YAF2: variants seen among roughly 807,000 people sequenced by gnomAD.
YAF2 encodes YY1 associated factor 2, also known as YY1-associated factor 2.
Under a neutral mutation model 20.1 loss-of-function variants are expected in YAF2, and 7 were observed. That is an observed-to-expected ratio of 0.35 (90% CI 0.20 to 0.65). The LOEUF is 0.65. YAF2 is among the 30% of genes least tolerant of loss of function. YAF2 has a pLI of 0.69. For missense variants in YAF2, 151 were observed against 219.2 expected, an observed-to-expected ratio of 0.69 and a Z score of 1.96; for synonymous variants, 74 against 76.0, an observed-to-expected ratio of 0.97 and a Z score of 0.14.
At chr12:42,229,419 A>AT (rs1472821354) in intron 2 of YAF2, among the ~76,000 whole-genome samples, 18 of 47,576 alleles carry the variant, frequency 3.8e-4, no homozygotes, top group South Asian at 2.3e-3. Context: ...AAAAAAATAA[A>AT]TTAAAAAAAA....
At chr12:42,210,904 T>C in intron 2 of YAF2, 1 of 286,574 alleles carries the variant, frequency 3.5e-6, no homozygotes, top group Non-Finnish European at 6.4e-6. Flanking sequence ...ATGGCTGCTA[T>C]ATTTTAATAT....
chr12:42,228,675 C>A (rs1406019006), intron 2 of YAF2, among the ~76,000 whole-genome samples: 1 of 114,880 alleles, frequency 8.7e-6, no homozygotes, highest in Non-Finnish European at 1.8e-5. Flanking sequence ...GGTCAGCCCC[C>A]CTGCCCGGCC....
intron 2 of YAF2, among the ~76,000 whole-genome samples, chr12:42,183,114 C>T (rs77890158): frequency 0.01 from 1,595 of 152,112 alleles, 29 homozygotes; most frequent in African/African-American, 0.037. Flanking sequence ...TTTTGAGGAG[C>T]CAAGGCCCAC....
At chr12:42,186,171 C>A (rs575962513) in intron 2 of YAF2, among the ~76,000 whole-genome samples, 53 of 123,852 alleles carry the variant, frequency 4.3e-4, no homozygotes, top group African/African-American at 1.6e-3. Flanking sequence ...GCCTGGGCAC[C>A]AGAGCCAAAC....
At chr12:42,162,804 A>G (rs2065827810) in intron 2 of YAF2, among the ~76,000 whole-genome samples, 1 of 152,228 alleles carries the variant, frequency 6.6e-6, no homozygotes, top group African/African-American at 2.4e-5. Context: ...AGATATCAGG[A>G]GATGGATAAT....
rs1015074064 is a variant in YAF2, at chr12:42,159,403, T to A, written c.*1186A>T. The stretch of plus-strand genomic sequence containing the variant: ...CTAGGTTGAAATTCTAAATACAACA[T>A]AAAACTCTTTAAATAGTTGTAAACA... On this transcript the variant is annotated 3_prime_UTR_variant, in exon 4 of 4. Coordinates refer to ENST00000534854, the MANE Select transcript of YAF2 (RefSeq NM_005748.6). The A allele has an allele frequency of 6.6e-6, 1 of 152,090 alleles. No individual in the cohort carries two copies. Among genetic ancestry groups the A allele is most frequent in the Non-Finnish European group, 1.5e-5 (1 of 67,950 alleles). The allele number at this position is 152,090 out of a possible 1,614,324, so 9.4% of individuals were successfully genotyped here. A position where few individuals can be genotyped will look rare whatever the true frequency, so the allele number is the denominator to read the frequency against.
At chr12:42,182,521 A>G (rs905699646) in intron 2 of YAF2, among the ~76,000 whole-genome samples, 1 of 152,222 alleles carries the variant, frequency 6.6e-6, no homozygotes, top group African/African-American at 2.4e-5. Flanking sequence ...CTGAACTACA[A>G]TATCATTGGA....
chr12:42,185,107 G>A (rs973732261), intron 2 of YAF2, among the ~76,000 whole-genome samples: 2 of 152,184 alleles, frequency 1.3e-5, no homozygotes, highest in Non-Finnish European at 2.9e-5. Context: ...GAGCCTGGGA[G>A]GCAAAGGCTG....
Position 42,234,223 on chromosome 12 carries a change from AGAAAAG to A in YAF2, c.152+3370_152+3375del, listed in dbSNP as rs1399444507. On this transcript the variant is annotated intron_variant, in intron 2 of 3. Coordinates refer to ENST00000534854, the MANE Select transcript of YAF2 (RefSeq NM_005748.6). ...AGAAAAGAAAAGAAAAGAAAAGAAA[AGAAAAG>A]AAAGAAAAGAAACTTCAGATATAAA... The A allele has an allele frequency of 1.2e-4, 121 of 977,046 alleles. 1 individual carries two copies. In the African/African-American group the frequency reaches 2.0e-3, roughly 16 times the overall value. 60.5% of individuals were successfully genotyped at this position (977,046 alleles called of 1,614,324 possible).
chr12:42,234,489 A>G (rs981172588), intron 2 of YAF2: 1 of 981,694 alleles, frequency 1.0e-6, no homozygotes, highest in Admixed American at 6.2e-5. Flanking sequence ...AAACATGCAC[A>G]TGTACCCCAA....
At chr12:42,230,752 T>G (rs2067961841) in intron 2 of YAF2, among the ~76,000 whole-genome samples, 1 of 152,140 alleles carries the variant, frequency 6.6e-6, no homozygotes, top group Non-Finnish European at 1.5e-5. Flanking sequence ...TTATGCCACA[T>G]ACAAAGTAAA....
At chr12:42,224,550 C>A (rs2067628068) in intron 2 of YAF2, among the ~76,000 whole-genome samples, 1 of 151,972 alleles carries the variant, frequency 6.6e-6, no homozygotes, top group East Asian at 1.9e-4. Flanking sequence ...GCGACAGGCC[C>A]CCGTGTGTGA....
At chr12:42,192,602 A>G (rs1480627254) in intron 2 of YAF2, among the ~76,000 whole-genome samples, 1 of 152,256 alleles carries the variant, frequency 6.6e-6, no homozygotes, top group Non-Finnish European at 1.5e-5. Flanking sequence ...GACTTCCATT[A>G]TATTTTAATT....
chr12:42,212,691 T>C (rs146064846), intron 2 of YAF2, among the ~76,000 whole-genome samples: 2 of 152,226 alleles, frequency 1.3e-5, no homozygotes, highest in African/African-American at 4.8e-5. Context: ...TTTGTATTTG[T>C]TAGGTTGACA....
At chr12:42,234,893 T>C in intron 2 of YAF2, 2 of 768,006 alleles carry the variant, frequency 2.6e-6, no homozygotes, top group Non-Finnish European at 3.2e-6. Context: ...GAGGCTGAGG[T>C]GGGAGGATTC....
chr12:42,237,907 G>T, intron 1 of YAF2, 183 bp from the exon 2 acceptor site: 1 of 539,410 alleles, frequency 1.9e-6, no homozygotes, highest in Non-Finnish European at 2.4e-6. Context: ...CAGGGCGCGA[G>T]CGCGGCCGCA....
intron 2 of YAF2, among the ~76,000 whole-genome samples, chr12:42,171,331 G>C (rs987844672): frequency 6.6e-6 from 1 of 151,978 alleles, no homozygotes; most frequent in Non-Finnish European, 1.5e-5. Flanking sequence ...TGTAAAGTAG[G>C]TAATGTACTA....
intron 2 of YAF2, among the ~76,000 whole-genome samples, chr12:42,208,930 A>G (rs115910305): frequency 0.017 from 2,623 of 152,332 alleles, 66 homozygotes; most frequent in African/African-American, 0.06. Context: ...TTTGTAAAAC[A>G]GCTATAAGCA....
chr12:42,185,674 C>G (rs2066454415), intron 2 of YAF2, among the ~76,000 whole-genome samples: 2 of 152,196 alleles, frequency 1.3e-5, no homozygotes, highest in African/African-American at 4.8e-5. Context: ...GCTGAAAGCT[C>G]AGATGGTCAT....
Sources: allele counts gnomAD v4.1 joint callset (sites outside exome capture counted in the v4.1 genomes callset), GRCh38; gene constraint gnomAD v4.1.1; transcripts MANE v1.5; gene names NCBI Gene and HGNC (gene_info 2026-07-23, HGNC 2026-07-21).